Variants in DSCAM observed in about 807,000 individuals in gnomAD.
DSCAM encodes DS cell adhesion molecule, also known as cell adhesion molecule DSCAM.
In DSCAM, 47 loss-of-function variants were observed where a neutral mutation model predicts 217.7. That is an observed-to-expected ratio of 0.22 (90% confidence interval 0.17 to 0.28). DSCAM has a LOEUF of 0.28. DSCAM is among the 10% of genes least tolerant of loss of function. DSCAM has a pLI of 1.00. For synonymous variants in DSCAM, 1,056 were observed against 1,015.3 expected, an observed-to-expected ratio of 1.04 and a Z score of -0.76; for missense variants, 2,080 against 2,618.3, an observed-to-expected ratio of 0.79 and a Z score of 4.49.
At chr21:40,093,625 A>G in intron 21 of DSCAM, 96 bp downstream of exon 21, 1 of 1,430,362 alleles carries the variant, frequency 7.0e-7, no homozygotes. Context: ...GGTTTATTTG[A>G]TTTTTAGGAA....
intron 1 of DSCAM, among the ~76,000 whole-genome samples, chr21:40,835,183 C>T (rs146628867): frequency 7.8e-4 from 119 of 152,270 alleles, no homozygotes; most frequent in African/African-American, 2.4e-3. Flanking sequence ...TTTACAATTA[C>T]TCATGAGTCT....
chr21:40,161,436 CT>C (rs1371646933), intron 16 of DSCAM, among the ~76,000 whole-genome samples: 1 of 151,960 alleles, frequency 6.6e-6, no homozygotes, highest in Non-Finnish European at 1.5e-5. Flanking sequence ...AGCACCACCT[CT>C]TGATATGAAC....
intron 1 of DSCAM, among the ~76,000 whole-genome samples, chr21:40,721,116 G>A (rs550861700): frequency 4.1e-4 from 62 of 152,272 alleles, no homozygotes; most frequent in African/African-American, 1.5e-3. Flanking sequence ...TCACACAGCT[G>A]CAGGGGACAA....
chr21:40,793,427 C>T (rs540337284), intron 1 of DSCAM, among the ~76,000 whole-genome samples: 3 of 152,240 alleles, frequency 2.0e-5, no homozygotes, highest in Middle Eastern at 6.8e-3. Flanking sequence ...TCCATTGTGA[C>T]TTCAGATACA....
intron 3 of DSCAM, among the ~76,000 whole-genome samples, chr21:40,496,355 GC>G (rs1313056661): frequency 6.6e-6 from 1 of 151,960 alleles, no homozygotes; most frequent in Non-Finnish European, 1.5e-5. Context: ...AGAATAAAGA[GC>G]CCAGAAACAA....
At chr21:40,821,836 G>A in intron 1 of DSCAM, among the ~76,000 whole-genome samples, 1 of 152,072 alleles carries the variant, frequency 6.6e-6, no homozygotes, top group Middle Eastern at 3.4e-3. Context: ...ACATAGAGAG[G>A]AACAACACAC....
chr21:40,744,530 T>C (rs576998467), intron 1 of DSCAM, among the ~76,000 whole-genome samples: 2 of 152,208 alleles, frequency 1.3e-5, no homozygotes, highest in African/African-American at 4.8e-5. Flanking sequence ...GAAACAATAG[T>C]AGAGTAGCAA....
At chr21:40,020,784 C>T (rs760976042) in intron 32 of DSCAM, among the ~76,000 whole-genome samples, 1 of 152,200 alleles carries the variant, frequency 6.6e-6, no homozygotes, top group African/African-American at 2.4e-5. Flanking sequence ...AGCCCAGGCC[C>T]AGCATGAATA....
At chr21:40,399,146 T>C (rs1456187727) in intron 3 of DSCAM, among the ~76,000 whole-genome samples, 1 of 152,138 alleles carries the variant, frequency 6.6e-6, no homozygotes, top group Non-Finnish European at 1.5e-5. Context: ...GGCACATGCC[T>C]GTGGTCTCAG....
At chr21:40,741,080 T>A (rs984442253) in intron 1 of DSCAM, among the ~76,000 whole-genome samples, 10 of 152,140 alleles carry the variant, frequency 6.6e-5, no homozygotes, top group African/African-American at 2.4e-4. Flanking sequence ...AAGATTAACC[T>A]GAAGTCAGTG....
At chr21:40,042,710 AC>A in intron 31 of DSCAM, 37 bp from the exon 32 acceptor site, 1 of 1,556,040 alleles carries the variant, frequency 6.4e-7, no homozygotes, top group Non-Finnish European at 8.7e-7. Context: ...CGGACGACTC[AC>A]CATCAGAAGT....
chr21:40,549,408 T>C (rs1046126254), intron 3 of DSCAM, among the ~76,000 whole-genome samples: 10 of 151,972 alleles, frequency 6.6e-5, no homozygotes, highest in African/African-American at 2.4e-4. Flanking sequence ...AAAACAACAA[T>C]GCATCCAGGG....
chr21:40,831,337 C>T (rs1009331235), intron 1 of DSCAM, among the ~76,000 whole-genome samples: 1 of 152,114 alleles, frequency 6.6e-6, no homozygotes, highest in African/African-American at 2.4e-5. Context: ...ACAGGCATAG[C>T]TTATTCTTAT....
At chr21:40,236,710 A>C (rs1231628647) in intron 11 of DSCAM, among the ~76,000 whole-genome samples, 1 of 152,144 alleles carries the variant, frequency 6.6e-6, no homozygotes, top group African/African-American at 2.4e-5. Context: ...ATCATTGTGG[A>C]GGAATAATTA....
chr21:40,494,298 T>G (rs1186011811), intron 3 of DSCAM, among the ~76,000 whole-genome samples: 1 of 152,210 alleles, frequency 6.6e-6, no homozygotes, highest in Admixed American at 6.5e-5. Context: ...AACTATGTGC[T>G]GCTTGTAAGA....
At chr21:40,407,398 G>A (rs944378964) in intron 3 of DSCAM, among the ~76,000 whole-genome samples, 3 of 152,194 alleles carry the variant, frequency 2.0e-5, no homozygotes, top group Non-Finnish European at 4.4e-5. Flanking sequence ...CCAGATTCAA[G>A]GGTAGGGACT....
At chr21:40,638,084 T>C (rs1193148365) in intron 3 of DSCAM, among the ~76,000 whole-genome samples, 1 of 152,158 alleles carries the variant, frequency 6.6e-6, no homozygotes, top group African/African-American at 2.4e-5. Context: ...TCATAGAACT[T>C]AGTCTTTCTT....
intron 19 of DSCAM, among the ~76,000 whole-genome samples, chr21:40,128,815 C>T (rs1268083067): frequency 3.3e-5 from 5 of 152,046 alleles, no homozygotes; most frequent in Non-Finnish European, 7.4e-5. Flanking sequence ...CAGCAGGGGA[C>T]TCAGCTCAAC....
chr21:40,430,633 CA>C (rs2145894317), intron 3 of DSCAM, among the ~76,000 whole-genome samples: 1 of 152,308 alleles, frequency 6.6e-6, no homozygotes, highest in African/African-American at 2.4e-5. Context: ...TATATACACA[CA>C]TATCTATCCT....
Sources: gnomAD v4.1 joint callset for allele counts (sites outside exome capture counted in the v4.1 genomes callset) on GRCh38, gnomAD v4.1.1 for gene constraint, MANE v1.5 for transcripts, NCBI Gene and HGNC (gene_info 2026-07-23, HGNC 2026-07-21) for gene names.